The following MICU2 variants were observed in gnomAD, a reference collection of about 807,000 sequenced individuals.
MICU2 encodes calcium uptake protein 2, mitochondrial.
Under a neutral mutation model 60.4 loss-of-function variants are expected in MICU2, and 64 were observed. The ratio of observed to expected loss-of-function variants is 1.06; its 90% CI spans 0.87 to 1.31. The LOEUF (loss-of-function observed/expected upper bound fraction) is 1.31. Among genes scored for constraint, MICU2 ranks in the 50% most tolerant of loss-of-function variants. MICU2 has a pLI of 0.00. For missense variants in MICU2, 569 were observed against 531.0 expected (o/e 1.07, Z -0.70); for synonymous variants, 201 against 175.0 (o/e 1.15, Z -1.17).
chr13:21,603,741 T>G (rs1888881479), intron 1 of MICU2, 198 bp downstream of exon 1: 4 of 603,304 alleles, frequency 6.6e-6, no homozygotes, highest in South Asian at 4.2e-5. Context: ...GTCACCAGCC[T>G]CGAAGGCCCT....
chr13:21,576,664 C>A (rs1041439570), intron 1 of MICU2, among the ~76,000 whole-genome samples: 1 of 152,134 alleles, frequency 6.6e-6, no homozygotes, highest in Non-Finnish European at 1.5e-5. Flanking sequence ...GACTTCCATA[C>A]CCCAGTCCTC....
chr13:21,496,820 C>T (rs1399917219), intron 9 of MICU2, among the ~76,000 whole-genome samples: 5 of 152,072 alleles, frequency 3.3e-5, no homozygotes, highest in East Asian at 3.9e-4. Context: ...CTTTGGGAGG[C>T]GGAGGCGGGC....
intron 1 of MICU2, among the ~76,000 whole-genome samples, chr13:21,583,533 A>C (rs1237857173): frequency 6.6e-6 from 1 of 152,188 alleles, no homozygotes; most frequent in Non-Finnish European, 1.5e-5. Flanking sequence ...ATACTTCAAC[A>C]TATGTAGGCT....
chr13:21,565,900 C>G (rs1214503222), intron 2 of MICU2, among the ~76,000 whole-genome samples: 1 of 152,198 alleles, frequency 6.6e-6, no homozygotes, highest in African/African-American at 2.4e-5. Flanking sequence ...CCTTCAATGC[C>G]ATTCATCCCT....
At chr13:21,512,065 T>C (rs1886443092) in intron 7 of MICU2, among the ~76,000 whole-genome samples, 1 of 152,170 alleles carries the variant, frequency 6.6e-6, no homozygotes, top group Non-Finnish European at 1.5e-5. Flanking sequence ...TCCAGAGTGG[T>C]GGTTTTACAT....
At chr13:21,497,856 C>T (rs1488794048) in intron 9 of MICU2, among the ~76,000 whole-genome samples, 1 of 152,148 alleles carries the variant, frequency 6.6e-6, no homozygotes, top group African/African-American at 2.4e-5. Context: ...TCAAGCTATC[C>T]TCCTGCCTCA....
intron 2 of MICU2, among the ~76,000 whole-genome samples, chr13:21,561,943 T>A (rs1026908883): frequency 7.0e-6 from 1 of 143,602 alleles, no homozygotes; most frequent in Non-Finnish European, 1.5e-5. Flanking sequence ...TTCCCATCTA[T>A]GAGTGAGAAC....
chr13:21,576,523 T>G (rs888937075), intron 1 of MICU2, among the ~76,000 whole-genome samples: 1 of 152,174 alleles, frequency 6.6e-6, no homozygotes, highest in Non-Finnish European at 1.5e-5. Flanking sequence ...AAAGGATCCC[T>G]CTCTTCTTCT....
At chr13:21,526,560 C>G (rs555523874) in intron 4 of MICU2, among the ~76,000 whole-genome samples, 1 of 151,810 alleles carries the variant, frequency 6.6e-6, no homozygotes, top group Non-Finnish European at 1.5e-5. Flanking sequence ...ACAGAAAATA[C>G]TAGATACCAT....
intron 4 of MICU2, among the ~76,000 whole-genome samples, chr13:21,524,362 T>G (rs867402264): frequency 6.6e-6 from 1 of 152,100 alleles, no homozygotes; most frequent in Non-Finnish European, 1.5e-5. Flanking sequence ...CTGGATTATT[T>G]TGAAACAAAA....
intron 6 of MICU2, among the ~76,000 whole-genome samples, chr13:21,520,094 T>G (rs533408180): frequency 6.6e-6 from 1 of 152,342 alleles, no homozygotes; most frequent in South Asian, 2.1e-4. Flanking sequence ...TTCAAATAAA[T>G]GTAATCGTAC....
At chr13:21,530,458 A>C (rs1886964552) in intron 4 of MICU2, among the ~76,000 whole-genome samples, 5 of 55,450 alleles carry the variant, frequency 9.0e-5, no homozygotes, top group Non-Finnish European at 1.7e-4. Context: ...ACTGGGTCTT[A>C]ATTCTCCTTC....
intron 2 of MICU2, among the ~76,000 whole-genome samples, chr13:21,550,150 C>T (rs1337628432): frequency 1.3e-5 from 2 of 152,222 alleles, no homozygotes; most frequent in African/African-American, 4.8e-5. Flanking sequence ...GCAAAATCCA[C>T]TCTATCATCT....
chr13:21,547,149 C>T (rs1182032334), intron 2 of MICU2, among the ~76,000 whole-genome samples: 1 of 152,052 alleles, frequency 6.6e-6, no homozygotes, highest in Non-Finnish European at 1.5e-5. Context: ...CTTTTATTGC[C>T]TAGTCTCAGA....
intron 1 of MICU2, among the ~76,000 whole-genome samples, chr13:21,577,543 C>G (rs1055171105): frequency 6.6e-6 from 1 of 152,078 alleles, no homozygotes; most frequent in Non-Finnish European, 1.5e-5. Flanking sequence ...CGTGGTGGCT[C>G]ACACCTGTAA....
In MICU2 at chr13:21,510,073, T is replaced by TTAA. The variant is rs1886390359; in HGVS notation, c.689_691dup (p.Ile230dup). 1 of 1,516,794 alleles carries TTAA rather than the reference T, an allele frequency of 6.6e-7. No homozygotes were observed. The highest frequency in any genetic ancestry group is 8.8e-7 in the Non-Finnish European group (1 of 1,137,384). The allele number at this position is 1,516,794 out of a possible 1,614,324, so 94.0% of individuals were successfully genotyped here. ...AAAGAAACGCATCTGAAGAGTTGTG[T>TTAA]TAATTTCAGGTTCTTTCACTATTGC... On this transcript the variant is annotated inframe_insertion, in exon 8 of 12. Transcript: ENST00000382374.
At chr13:21,558,719 A>G in intron 2 of MICU2, among the ~76,000 whole-genome samples, 1 of 152,042 alleles carries the variant, frequency 6.6e-6, no homozygotes, top group Admixed American at 6.6e-5. Context: ...TGCCTCTCTC[A>G]GTGTGGAACC....
At chr13:21,585,645 A>G (rs1593357084) in intron 1 of MICU2, among the ~76,000 whole-genome samples, 1 of 152,342 alleles carries the variant, frequency 6.6e-6, no homozygotes, top group East Asian at 1.9e-4. Context: ...GCAAATTCAA[A>G]TAGATCCATC....
At chr13:21,586,416 TG>T (rs1290994304) in intron 1 of MICU2, among the ~76,000 whole-genome samples, 1 of 152,180 alleles carries the variant, frequency 6.6e-6, no homozygotes. Context: ...GTTTTTTGTT[TG>T]TTTTTTTAAA....
Sources: gnomAD v4.1 joint callset for allele counts (sites outside exome capture counted in the v4.1 genomes callset) on GRCh38, gnomAD v4.1.1 for gene constraint, MANE v1.5 for transcripts, NCBI Gene and HGNC (gene_info 2026-07-23, HGNC 2026-07-21) for gene names.